GRM7: variants seen among roughly 807,000 people sequenced by gnomAD.
GRM7 encodes the protein metabotropic glutamate receptor 7.
GRM7 carries 35 observed loss-of-function variants against 84.5 expected under a neutral mutation model. That is an observed-to-expected ratio of 0.41 (90% CI 0.32 to 0.55). The LOEUF (loss-of-function observed/expected upper bound fraction) is 0.55, where lower values mean the gene tolerates loss of function less well. Ranked by LOEUF, GRM7 falls within the 20% of genes least tolerant of loss-of-function variation. The pLI is 0.19. For synonymous variants in GRM7, 487 were observed against 455.1 expected (o/e 1.07, Z -0.89); for missense variants, 1,003 against 1,194.6 (o/e 0.84, Z 2.36).
At chr3:7,462,188 C>T (rs1698276591) in intron 7 of GRM7, among the ~76,000 whole-genome samples, 1 of 152,136 alleles carries the variant, frequency 6.6e-6, no homozygotes, top group South Asian at 2.1e-4. Context: ...TCTGTAACCT[C>T]TCCCACTTTC....
intron 1 of GRM7, among the ~76,000 whole-genome samples, chr3:7,078,195 C>A (rs559819570): frequency 1.3e-5 from 2 of 152,306 alleles, no homozygotes; most frequent in South Asian, 4.1e-4. Context: ...ATCAGGTATA[C>A]AAACTCTCCT....
chr3:7,436,132 C>T (rs529339565), intron 5 of GRM7, among the ~76,000 whole-genome samples: 74 of 152,226 alleles, frequency 4.9e-4, no homozygotes, highest in African/African-American at 1.6e-3. Context: ...CAGGCGTGAG[C>T]CACTGCATCT....
At chr3:6,903,980 T>C (rs1696481511) in intron 1 of GRM7, among the ~76,000 whole-genome samples, 1 of 152,158 alleles carries the variant, frequency 6.6e-6, no homozygotes, top group Non-Finnish European at 1.5e-5. Context: ...TGTTTTCATT[T>C]AGATTTGTAG....
At chr3:7,629,689 G>A (rs897353275) in intron 8 of GRM7, among the ~76,000 whole-genome samples, 3 of 152,268 alleles carry the variant, frequency 2.0e-5, no homozygotes, top group Admixed American at 6.5e-5. Context: ...AGTATCACAC[G>A]GACCAGGTAG....
At chr3:7,722,459 T>G (rs1010346351) in intron 9 of GRM7, among the ~76,000 whole-genome samples, 16 of 151,910 alleles carry the variant, frequency 1.1e-4, no homozygotes, top group Admixed American at 2.6e-4. Context: ...TTTTTTTTTT[T>G]TTTTTGAGAC....
intron 1 of GRM7, among the ~76,000 whole-genome samples, chr3:7,008,956 T>TCCTGA: frequency 6.6e-6 from 1 of 152,192 alleles, no homozygotes. Context: ...TCTCATAAAA[T>TCCTGA]GTATGTGAGG....
chr3:7,425,103 C>T (rs1023110673), intron 5 of GRM7, among the ~76,000 whole-genome samples: 2 of 152,102 alleles, frequency 1.3e-5, no homozygotes, highest in East Asian at 1.9e-4. Flanking sequence ...TCGGTAACTT[C>T]GTAGTTTTGC....
intron 7 of GRM7, among the ~76,000 whole-genome samples, chr3:7,556,802 A>G (rs1003069633): frequency 6.6e-6 from 1 of 152,144 alleles, no homozygotes; most frequent in Admixed American, 6.5e-5. Context: ...TCCTTGAAGA[A>G]GTGACTGAGG....
intron 8 of GRM7, among the ~76,000 whole-genome samples, chr3:7,660,007 A>T (rs1699366814): frequency 6.6e-6 from 1 of 152,238 alleles, no homozygotes; most frequent in African/African-American, 2.4e-5. Flanking sequence ...AGAAAACTGA[A>T]GTTCTGTTTA....
intron 1 of GRM7, among the ~76,000 whole-genome samples, chr3:7,040,900 C>T (rs1050178631): frequency 2.6e-5 from 4 of 151,582 alleles, no homozygotes; most frequent in East Asian, 2.0e-4. Context: ...CTGGGCAAAA[C>T]GGTGAAACCC....
intron 1 of GRM7, among the ~76,000 whole-genome samples, chr3:7,103,786 CTTT>C (rs1699196511): frequency 9.1e-6 from 1 of 109,748 alleles, no homozygotes; most frequent in Non-Finnish European, 1.7e-5. Flanking sequence ...TTCTTTCTTT[CTTT>C]CTTTCTTTCT....
At chr3:7,575,975 T>A (rs2125050479) in intron 7 of GRM7, among the ~76,000 whole-genome samples, 1 of 152,358 alleles carries the variant, frequency 6.6e-6, no homozygotes, top group African/African-American at 2.4e-5. Flanking sequence ...AATTTGTTTA[T>A]ATATTTGTAT....
intron 9 of GRM7, among the ~76,000 whole-genome samples, chr3:7,703,551 G>A (rs558039756): frequency 6.6e-6 from 1 of 152,128 alleles, no homozygotes; most frequent in Non-Finnish European, 1.5e-5. Flanking sequence ...GGATCTTAGG[G>A]TTATTAAAGA....
chr3:7,062,935 T>C (rs1416674212), intron 1 of GRM7, among the ~76,000 whole-genome samples: 1 of 151,712 alleles, frequency 6.6e-6, no homozygotes. Flanking sequence ...ATAAAACTCC[T>C]AGTTGAAGGA....
intron 9 of GRM7, among the ~76,000 whole-genome samples, chr3:7,724,538 G>C (rs961237724): frequency 1.3e-5 from 2 of 152,200 alleles, no homozygotes; most frequent in Non-Finnish European, 2.9e-5. Flanking sequence ...GAGGATCAGA[G>C]GCTGTTCCTA....
chr3:7,320,290 TAA>T (rs1211943698), intron 4 of GRM7, among the ~76,000 whole-genome samples: 1 of 151,942 alleles, frequency 6.6e-6, no homozygotes, highest in Non-Finnish European at 1.5e-5. Context: ...ATCTATTTAA[TAA>T]AAGTTTTATG....
chr3:7,089,887 G>T (rs1028771128), intron 1 of GRM7, among the ~76,000 whole-genome samples: 1 of 152,090 alleles, frequency 6.6e-6, no homozygotes, highest in Non-Finnish European at 1.5e-5. Context: ...CTGTCACCCA[G>T]GTTGGAGTAC....
At chr3:7,576,105 T>C (rs2125050580) in intron 7 of GRM7, among the ~76,000 whole-genome samples, 1 of 152,366 alleles carries the variant, frequency 6.6e-6, no homozygotes, top group South Asian at 2.1e-4. Flanking sequence ...CTGGTAGCCA[T>C]GAGTAAGACC....
chr3:7,350,314 G>A (rs1175421958), intron 4 of GRM7, among the ~76,000 whole-genome samples: 1 of 152,074 alleles, frequency 6.6e-6, no homozygotes, highest in Non-Finnish European at 1.5e-5. Flanking sequence ...GGGGCCTGGT[G>A]GGAGGTGATT....
Sources: allele counts gnomAD v4.1 joint callset (sites outside exome capture counted in the v4.1 genomes callset), GRCh38; gene constraint gnomAD v4.1.1; transcripts MANE v1.5; gene names NCBI Gene and HGNC (gene_info 2026-07-23, HGNC 2026-07-21).